The following PAK5 variants were observed in gnomAD, a reference collection of about 807,000 sequenced individuals.
PAK5 encodes p21 (RAC1) activated kinase 5, also known as serine/threonine-protein kinase PAK 5.
PAK5 carries 16 observed loss-of-function variants against 65.9 expected under a neutral mutation model. The ratio of observed to expected loss-of-function variants is 0.24; its 90% CI spans 0.16 to 0.37. PAK5 has a LOEUF of 0.37. Among genes scored for constraint, PAK5 ranks in the 10% least tolerant of loss-of-function variants. PAK5 has a pLI of 1.00. For synonymous variants in PAK5, 371 were observed against 354.9 expected (o/e 1.05, Z -0.51); for missense variants, 785 against 903.9 (o/e 0.87, Z 1.69).
Position 9,537,488 on chromosome 20 carries a change from G to A in PAK5, c.*1974C>T. The A allele has an allele frequency of 4.7e-6, 1 of 211,932 alleles. No individual in the cohort carries two copies. Among genetic ancestry groups the A allele is most frequent in the Non-Finnish European group, 9.6e-6 (1 of 104,316 alleles). 13.1% of individuals were successfully genotyped at this position (211,932 alleles called of 1,614,324 possible). ...TACAGTAACTTTTGGTAAACTCAATGAATACTTTAAAAAATACCCGATGGT... is the reference window on the plus strand; with the variant it reads ...TACAGTAACTTTTGGTAAACTCAATAAATACTTTAAAAAATACCCGATGGT... On this transcript the variant is annotated 3_prime_UTR_variant, in exon 10 of 10. Transcript: ENST00000353224.
chr20:9,641,740 A>G (rs1266607129), intron 3 of PAK5, among the ~76,000 whole-genome samples: 1 of 152,092 alleles, frequency 6.6e-6, no homozygotes, highest in Non-Finnish European at 1.5e-5. Flanking sequence ...CCCCGTGGGA[A>G]GGCAGCTAAG....
chr20:9,628,059 A>C (rs536770526), intron 3 of PAK5, among the ~76,000 whole-genome samples: 1 of 152,098 alleles, frequency 6.6e-6, no homozygotes, highest in Admixed American at 6.5e-5. Context: ...ATTAATTGAG[A>C]GAGAAAATCT....
At chr20:9,762,593 T>C (rs1342704063) in intron 1 of PAK5, among the ~76,000 whole-genome samples, 8 of 152,092 alleles carry the variant, frequency 5.3e-5, no homozygotes. Flanking sequence ...GTTAGAATGG[T>C]TATTATCAAA....
chr20:9,742,120 G>A (rs1421473242), intron 1 of PAK5, among the ~76,000 whole-genome samples: 1 of 152,100 alleles, frequency 6.6e-6, no homozygotes, highest in Non-Finnish European at 1.5e-5. Flanking sequence ...GTATCCAGGT[G>A]CCACACAGAG....
intron 1 of PAK5, among the ~76,000 whole-genome samples, chr20:9,748,259 G>A (rs2048531901): frequency 6.6e-6 from 1 of 152,082 alleles, no homozygotes; most frequent in Non-Finnish European, 1.5e-5. Context: ...TGGCCATACT[G>A]CCCAAGGTAA....
chr20:9,773,236 C>A (rs1441507276), intron 1 of PAK5, among the ~76,000 whole-genome samples: 1 of 151,994 alleles, frequency 6.6e-6, no homozygotes, highest in East Asian at 1.9e-4. Flanking sequence ...TCTTTAAGTT[C>A]TTTTTTTTAA....
intron 1 of PAK5, among the ~76,000 whole-genome samples, chr20:9,810,018 T>G (rs967955496): frequency 5.9e-5 from 9 of 152,202 alleles, no homozygotes; most frequent in Non-Finnish European, 1.2e-4. Flanking sequence ...TGCTACATCC[T>G]CCCGAGACTC....
intron 3 of PAK5, among the ~76,000 whole-genome samples, chr20:9,596,407 C>T (rs569701247): frequency 6.0e-4 from 92 of 152,116 alleles, no homozygotes; most frequent in African/African-American, 5.3e-4. Context: ...GAGGCCGAGG[C>T]GGGCGGATCA....
At chr20:9,744,895 T>C (rs1156586765) in intron 1 of PAK5, among the ~76,000 whole-genome samples, 3 of 152,184 alleles carry the variant, frequency 2.0e-5, no homozygotes, top group Non-Finnish European at 4.4e-5. Context: ...CAAAATCAGC[T>C]CATTTTAACT....
intron 2 of PAK5, among the ~76,000 whole-genome samples, chr20:9,675,572 G>A (rs965134769): frequency 6.6e-6 from 1 of 152,156 alleles, no homozygotes; most frequent in Non-Finnish European, 1.5e-5. Context: ...TGAGCTCCCA[G>A]GCTCAAGCAA....
At chr20:9,751,988 T>C (rs1325782762) in intron 1 of PAK5, among the ~76,000 whole-genome samples, 2 of 152,148 alleles carry the variant, frequency 1.3e-5, no homozygotes, top group Non-Finnish European at 1.5e-5. Context: ...CCTCGTGAGA[T>C]AGATATTGTC....
At chr20:9,695,778 C>T (rs1353978604) in intron 2 of PAK5, among the ~76,000 whole-genome samples, 1 of 151,916 alleles carries the variant, frequency 6.6e-6, no homozygotes, top group Non-Finnish European at 1.5e-5. Context: ...CCTTCGTTTC[C>T]TCTGCTGGTA....
chr20:9,766,399 T>C lies in PAK5; in HGVS notation c.-161-54964A>G, dbSNP rs1411900195. Reference sequence around the variant, plus strand: ...AGCAGAATATATATGTATATATATATTCAAGCAGAATATATATGTATATAT... The same window carrying C: ...AGCAGAATATATATGTATATATATACTCAAGCAGAATATATATGTATATAT... On this transcript the variant is annotated intron_variant, in intron 1 of 9. Transcript: ENST00000353224. 8.3e-4 allele frequency among the ~76,000 whole-genome samples: 73 copies of C among 87,826 alleles called. 3 individuals are homozygous for C. Among genetic ancestry groups the C allele is most frequent in the Middle Eastern group, 5.6e-3 (1 of 178 alleles). 57.6% of individuals were successfully genotyped at this position (87,826 alleles called of 152,430 possible).
At chr20:9,573,585 A>G (rs187534563) in intron 4 of PAK5, among the ~76,000 whole-genome samples, 1 of 152,310 alleles carries the variant, frequency 6.6e-6, no homozygotes, top group Admixed American at 6.5e-5. Context: ...TCTGCAGTAG[A>G]ACATAATTTG....
chr20:9,549,930 C>T (rs1568957029), intron 7 of PAK5, among the ~76,000 whole-genome samples: 1 of 152,326 alleles, frequency 6.6e-6, no homozygotes. Context: ...GAGAAAGGCA[C>T]AGACCACAGA....
chr20:9,619,948 C>T (rs1375170126), intron 3 of PAK5, among the ~76,000 whole-genome samples: 1 of 152,224 alleles, frequency 6.6e-6, no homozygotes, highest in Non-Finnish European at 1.5e-5. Flanking sequence ...AGCCAATCAT[C>T]AGATCACCTG....
intron 1 of PAK5, among the ~76,000 whole-genome samples, chr20:9,814,368 T>C (rs1028839651): frequency 4.6e-5 from 7 of 152,176 alleles, no homozygotes; most frequent in Admixed American, 1.3e-4. Flanking sequence ...ATAATGCACA[T>C]GAAGGGCTTA....
chr20:9,831,220 T>C lies in PAK5; in HGVS notation c.-162+7542A>G, dbSNP rs12625472. Among the ~76,000 whole-genome samples, 437 of 152,350 alleles carry C rather than the reference T, an allele frequency of 2.9e-3. 1 individual carries two copies. The highest frequency in any genetic ancestry group is 9.1e-3 in the African/African-American group (378 of 41,576). ...CTGTTTTGGGGGGTGTGTGTGTGTG[T>C]GCGCGCGTGCGTGTGTTTGGGATTC... On this transcript the variant is annotated intron_variant, in intron 1 of 9. Transcript: ENST00000353224.
chr20:9,779,208 T>C (rs1373944271), intron 1 of PAK5, among the ~76,000 whole-genome samples: 1 of 152,020 alleles, frequency 6.6e-6, no homozygotes, highest in Non-Finnish European at 1.5e-5. Flanking sequence ...CTTTTTAGAG[T>C]ATTAAATATT....
Sources: allele counts gnomAD v4.1 joint callset (sites outside exome capture counted in the v4.1 genomes callset), GRCh38; gene constraint gnomAD v4.1.1; transcripts MANE v1.5; gene names NCBI Gene and HGNC (gene_info 2026-07-23, HGNC 2026-07-21).